Variants in TRIM2 observed in about 807,000 individuals in gnomAD.
TRIM2 encodes tripartite motif-containing protein 2.
TRIM2 carries 20 observed loss-of-function variants against 75.2 expected under a neutral mutation model. The ratio of observed to expected loss-of-function variants is 0.27; its 90% CI spans 0.19 to 0.39. The LOEUF (loss-of-function observed/expected upper bound fraction) is 0.39, where lower values mean the gene tolerates loss of function less well. Ranked by LOEUF, TRIM2 falls within the 10% of genes least tolerant of loss-of-function variation. The pLI is 1.00. For missense variants in TRIM2, 660 were observed against 990.8 expected, an observed-to-expected ratio of 0.67 and a Z score of 4.48; for synonymous variants, 373 against 388.3, an observed-to-expected ratio of 0.96 and a Z score of 0.46.
chr4:153,206,702 G>A (rs148029081), intron 1 of TRIM2, among the ~76,000 whole-genome samples: 1 of 152,096 alleles, frequency 6.6e-6, no homozygotes, highest in African/African-American at 2.4e-5. Context: ...CAGGGTCAGG[G>A]GGTGTGTATG....
chr4:153,328,801 CAGA>C, intron 11 of TRIM2, 131 bp downstream of exon 11: 1 of 994,764 alleles, frequency 1.0e-6, no homozygotes, highest in Admixed American at 3.5e-5. Flanking sequence ...ATACTCTCAC[CAGA>C]AGGACCAAAC....
chr4:153,244,351 CTT>C (rs1239020893), intron 1 of TRIM2, among the ~76,000 whole-genome samples: 29 of 36,318 alleles, frequency 8.0e-4, no homozygotes, highest in Middle Eastern at 0.012. Flanking sequence ...TCTTCTTCTT[CTT>C]CCTCTTCTTC....
intron 1 of TRIM2, among the ~76,000 whole-genome samples, chr4:153,159,349 G>A (rs1490860741): frequency 1.5e-5 from 2 of 130,512 alleles, no homozygotes; most frequent in Non-Finnish European, 3.2e-5. Flanking sequence ...TGTTGTTGAG[G>A]CTGGAGTGCA....
intron 6 of TRIM2, 78 bp downstream of exon 6, chr4:153,296,114 G>A (rs1257814191): frequency 4.1e-6 from 6 of 1,480,422 alleles, no homozygotes; most frequent in Non-Finnish European, 4.5e-6. Context: ...ATTGCAAATA[G>A]CAACACTGCA....
intron 1 of TRIM2, among the ~76,000 whole-genome samples, chr4:153,191,555 G>A (rs1009531479): frequency 3.3e-5 from 5 of 152,254 alleles, no homozygotes; most frequent in African/African-American, 7.2e-5. Flanking sequence ...GGATTCCCCA[G>A]AAATCAGACA....
intron 1 of TRIM2, among the ~76,000 whole-genome samples, chr4:153,262,626 G>A (rs1753851424): frequency 6.6e-6 from 1 of 152,148 alleles, no homozygotes; most frequent in Admixed American, 6.6e-5. Context: ...CTTGCGACCT[G>A]TGGCTACATG....
At chr4:153,221,763 T>TAAGGAAGGAAAGCGC (rs1740104466) in intron 1 of TRIM2, among the ~76,000 whole-genome samples, 3 of 76,264 alleles carry the variant, frequency 3.9e-5, no homozygotes, top group African/African-American at 1.4e-4. Context: ...AGGGAGGAAA[T>TAAGGAAGGAAAGCGC]AAGGAAGGAA....
chr4:153,308,258 C>A (rs1245412684), intron 6 of TRIM2: 7 of 1,553,650 alleles, frequency 4.5e-6, no homozygotes, highest in Non-Finnish European at 6.2e-6. Context: ...CAACCATCAG[C>A]TTGCAGAAGT....
Position 153,339,061 on chromosome 4 carries a change from T to C in TRIM2, c.*4095T>C. On this transcript the variant is annotated 3_prime_UTR_variant, in exon 12 of 12. Coordinates refer to ENST00000338700, the MANE Select transcript of TRIM2 (RefSeq NM_015271.5). ...CACTAAGTCTTGCACTCTCTGACAT[T>C]GATACTGATATATTCTCGTCATTTG... is the stretch of plus-strand genomic sequence containing the variant. The C allele has an allele frequency of 2.0e-6, 2 of 985,828 alleles. No homozygotes were observed. The highest frequency in any genetic ancestry group is 2.4e-6 in the Non-Finnish European group (2 of 829,922). The allele number at this position is 985,828 out of a possible 1,614,324, so 61.1% of individuals were successfully genotyped here.
At chr4:153,309,354 T>C (rs1441131110) in intron 6 of TRIM2, among the ~76,000 whole-genome samples, 5 of 152,180 alleles carry the variant, frequency 3.3e-5, no homozygotes. Context: ...ATCTATAAAA[T>C]GGGGATGATA....
chr4:153,227,907 G>C (rs551439732), intron 1 of TRIM2, among the ~76,000 whole-genome samples: 7 of 152,154 alleles, frequency 4.6e-5, no homozygotes, highest in Admixed American at 3.9e-4. Flanking sequence ...CAATCTCCTT[G>C]CAGATATTGG....
intron 1 of TRIM2, among the ~76,000 whole-genome samples, chr4:153,225,272 G>T (rs1270308914): frequency 3.9e-5 from 6 of 152,138 alleles, no homozygotes; most frequent in Non-Finnish European, 8.8e-5. Context: ...AGCTTGATTT[G>T]TACAGGTACT....
chr4:153,160,568 T>C (rs190198529), intron 1 of TRIM2, among the ~76,000 whole-genome samples: 1 of 151,908 alleles, frequency 6.6e-6, no homozygotes, highest in East Asian at 1.9e-4. Flanking sequence ...GCCACCATGC[T>C]GGCCATCTAG....
chr4:153,204,364 T>A (rs953220024), upstream of TRIM2: 6 of 682,102 alleles, frequency 8.8e-6, no homozygotes, highest in African/African-American at 5.4e-5. Context: ...GCTCTCATTG[T>A]CCCCTGATAC....
At chr4:153,182,503 T>C (rs963336553) in intron 1 of TRIM2, among the ~76,000 whole-genome samples, 3 of 152,126 alleles carry the variant, frequency 2.0e-5, no homozygotes, top group Admixed American at 6.5e-5. Flanking sequence ...CATTTGTAAA[T>C]AGTACACACC....
chr4:153,176,580 A>G (rs889679893), intron 1 of TRIM2, among the ~76,000 whole-genome samples: 6 of 152,014 alleles, frequency 3.9e-5, no homozygotes, highest in African/African-American at 7.3e-5. Flanking sequence ...TTATTTCCCA[A>G]TAAGAAAAAT....
At chr4:153,244,473 C>G (rs886311180) in intron 1 of TRIM2, among the ~76,000 whole-genome samples, 1 of 144,734 alleles carries the variant, frequency 6.9e-6, no homozygotes, top group Non-Finnish European at 1.5e-5. Flanking sequence ...GTTGCCCGAG[C>G]TGATCTTGAA....
intron 1 of TRIM2, among the ~76,000 whole-genome samples, chr4:153,197,202 A>G (rs2149671894): frequency 6.6e-6 from 1 of 152,320 alleles, no homozygotes; most frequent in Non-Finnish European, 1.5e-5. Flanking sequence ...GCTTCCAGGT[A>G]GTAAGTTTAA....
At chr4:153,252,239 G>A (rs1212940182) in intron 1 of TRIM2, among the ~76,000 whole-genome samples, 3 of 152,116 alleles carry the variant, frequency 2.0e-5, no homozygotes, top group Non-Finnish European at 4.4e-5. Flanking sequence ...ATCTCACACT[G>A]AAACACATCA....
Sources: gnomAD v4.1 joint callset for allele counts (sites outside exome capture counted in the v4.1 genomes callset) on GRCh38, gnomAD v4.1.1 for gene constraint, MANE v1.5 for transcripts, NCBI Gene and HGNC (gene_info 2026-07-23, HGNC 2026-07-21) for gene names.